The following KLHL13 variants were observed in gnomAD, a reference collection of about 807,000 sequenced individuals.
KLHL13 encodes the protein kelch-like protein 13.
In KLHL13, 10 loss-of-function variants were observed where a neutral mutation model predicts 37.1. The ratio of observed to expected loss-of-function variants is 0.27; its 90% CI spans 0.17 to 0.46. KLHL13 has a LOEUF of 0.46. Among genes scored for constraint, KLHL13 ranks in the 20% least tolerant of loss-of-function variants. KLHL13 has a pLI of 1.00. For missense variants in KLHL13, 360 were observed against 509.3 expected (o/e 0.71, Z 2.82); for synonymous variants, 163 against 181.2 (o/e 0.90, Z 0.81).
upstream of KLHL13, chrX:118,116,868 G>C (rs1254149129): frequency 6.4e-5 from 6 of 93,293 alleles, no homozygotes; most frequent in Admixed American, 2.2e-4. Context: ...GGGGCAGTGG[G>C]GGGGGGAGCG....
chrX:118,116,813 G>A (rs965458036), upstream of KLHL13: 3 of 103,298 alleles, frequency 2.9e-5, no homozygotes, highest in African/African-American at 1.1e-4. Context: ...CAGGGTGTGG[G>A]GGGGCTGCTG....
chrX:117,985,267 T>C, intron 1 of KLHL13: 1 of 1,146,002 alleles, frequency 8.7e-7, no homozygotes, highest in Non-Finnish European at 1.2e-6. Flanking sequence ...TCTTAAGGTT[T>C]GAACTCTCAT....
chrX:118,059,490 T>A (rs1180380467), intron 1 of KLHL13, among the ~76,000 whole-genome samples: 5 of 111,589 alleles, frequency 4.5e-5, no homozygotes, highest in South Asian at 3.8e-4. Context: ...AATGATGACA[T>A]CCATTTTAAG....
At chrX:118,091,031 A>C (rs1291501096) in intron 1 of KLHL13, among the ~76,000 whole-genome samples, 2 of 105,548 alleles carry the variant, frequency 1.9e-5, no homozygotes, top group Non-Finnish European at 3.9e-5. Context: ...CGCAAGGACA[A>C]AAAACCAAAC....
chrX:117,910,213 T>A (rs1380554360), intron 4 of KLHL13, 117 bp from the exon 6 acceptor site: 1 of 508,164 alleles, frequency 2.0e-6, no homozygotes. Flanking sequence ...TTCAAATAGA[T>A]ACAAATAGGA....
chrX:118,013,701 T>C (rs941650570), intron 1 of KLHL13, among the ~76,000 whole-genome samples: 1 of 112,022 alleles, frequency 8.9e-6, no homozygotes, highest in African/African-American at 3.2e-5. Context: ...TTATAACAGA[T>C]ATGGAAGGCA....
chrX:117,937,843 AAT>A lies in KLHL13; in HGVS notation c.240+7589_240+7590del, dbSNP rs1447581832. Among the ~76,000 whole-genome samples the A allele has an allele frequency of 7.1e-5, 8 of 111,943 alleles. No homozygotes were observed. In the South Asian group the frequency reaches 1.5e-3, roughly 21 times the overall value. Reference sequence around the variant, plus strand: ...CAATGATATCCAGAGTCAACTTTAGAATATTTTTATCACTGCAAAAAGAAATC... The same window carrying A: ...CAATGATATCCAGAGTCAACTTTAGAATTTTTATCACTGCAAAAAGAAATC... On this transcript the variant is annotated intron_variant, in intron 2 of 6. Coordinates refer to ENST00000262820, the Ensembl canonical transcript of KLHL13.
chrX:118,031,450 TATATAGATATATATATTTAG>T lies in KLHL13; in HGVS notation c.-56+85038_-56+85057del, dbSNP rs1202912829. ...ATATAGATATATATATTTAGATATATATATAGATATATATATTTAGATATATATATAGATATATATATTTA... is the reference window on the plus strand; with the variant it reads ...ATATAGATATATATATTTAGATATATATATATATATAGATATATATATTTA... On this transcript the variant is annotated intron_variant, in intron 1 of 6. Transcript: ENST00000371882. Among the ~76,000 whole-genome samples, 14 of 90,982 alleles carry T rather than the reference TATATAGATATATATATTTAG, an allele frequency of 1.5e-4. 1 individual carries two copies. The highest frequency in any genetic ancestry group is 7.0e-4 in the African/African-American group (14 of 20,101). The allele number at this position is 90,982 out of a possible 115,157, so 79.0% of individuals were successfully genotyped here. A position where few individuals can be genotyped will look rare whatever the true frequency, so the allele number is the denominator to read the frequency against.
chrX:118,107,146 T>C (rs758902740), intron 1 of KLHL13, among the ~76,000 whole-genome samples: 1 of 112,307 alleles, frequency 8.9e-6, no homozygotes, highest in South Asian at 3.7e-4. Context: ...ATAGTATACA[T>C]TATCCTGCAT....
chrX:118,064,129 T>C (rs2054771009), intron 1 of KLHL13, among the ~76,000 whole-genome samples: 1 of 111,763 alleles, frequency 8.9e-6, no homozygotes, highest in African/African-American at 3.2e-5. Context: ...ATATCATCAA[T>C]ACCAGACAAC....
intron 1 of KLHL13, among the ~76,000 whole-genome samples, chrX:117,962,405 C>A (rs1050046739): frequency 2.8e-5 from 3 of 109,033 alleles, no homozygotes; most frequent in Non-Finnish European, 3.8e-5. Context: ...GGGGTAGAAC[C>A]CTTGGAACGT....
chrX:117,980,469 T>A lies in KLHL13; in HGVS notation c.-55-34894A>T, dbSNP rs971026776. The stretch of plus-strand genomic sequence containing the variant: ...TTACATCCAAAAAGTTATTACAACA[T>A]TCACATGTGCATCATAAATGTTATA... On this transcript the variant is annotated intron_variant, in intron 1 of 6. Coordinates refer to the KLHL13 transcript ENST00000371882. Among the ~76,000 whole-genome samples, 5 of 111,756 alleles carry A rather than the reference T, an allele frequency of 4.5e-5. No individual in the cohort carries two copies. The Admixed American group carries it at 4.7e-4, about 11-fold the overall frequency.
chrX:117,931,303 T>C (rs1479614955), intron 2 of KLHL13, among the ~76,000 whole-genome samples: 1 of 111,837 alleles, frequency 8.9e-6, no homozygotes, highest in Non-Finnish European at 1.9e-5. Flanking sequence ...AACGAGGCAT[T>C]TTCCACCTTT....
intron 5 of KLHL13, among the ~76,000 whole-genome samples, chrX:117,903,172 AGG>A (rs781698708): frequency 0.011 from 1,020 of 95,497 alleles, 7 homozygotes; most frequent in Middle Eastern, 0.026. Flanking sequence ...AGAGAGAGAG[AGG>A]AGAGCGAGAG....
intron 1 of KLHL13, among the ~76,000 whole-genome samples, chrX:118,091,045 G>C (rs1418367012): frequency 9.9e-6 from 1 of 101,446 alleles, no homozygotes; most frequent in Non-Finnish European, 2.0e-5. Flanking sequence ...ACCAAACACC[G>C]CATGTTCTCA....
chrX:117,918,218 A>G (rs776631970), intron 4 of KLHL13, among the ~76,000 whole-genome samples: 7 of 111,996 alleles, frequency 6.3e-5, no homozygotes, highest in Non-Finnish European at 1.3e-4. Context: ...TTCAAATTTT[A>G]TAAGTAATTG....
chrX:117,930,234 A>G (rs930619364), intron 2 of KLHL13, among the ~76,000 whole-genome samples: 8 of 81,975 alleles, frequency 9.8e-5, no homozygotes, highest in African/African-American at 3.2e-4. Flanking sequence ...GGAAGGAAGG[A>G]AGGAAGGGAG....
chrX:117,945,309 C>G (rs1257229537), intron 2 of KLHL13, 125 bp downstream of exon 3: 3 of 623,431 alleles, frequency 4.8e-6, no homozygotes, highest in Non-Finnish European at 7.1e-6. Context: ...AAAATAGTTA[C>G]CATACATTTC....
intron 1 of KLHL13, among the ~76,000 whole-genome samples, chrX:118,094,878 C>A (rs1449486594): frequency 8.1e-5 from 9 of 111,513 alleles, no homozygotes; most frequent in East Asian, 5.6e-4. Context: ...CCTAAAAGAG[C>A]TCCTGAAGGA....
Sources: gnomAD v4.1 joint callset for allele counts (sites outside exome capture counted in the v4.1 genomes callset) on GRCh38, gnomAD v4.1.1 for gene constraint, MANE v1.5 for transcripts, NCBI Gene and HGNC (gene_info 2026-07-23, HGNC 2026-07-21) for gene names.